EPHA3: variants seen among roughly 807,000 people sequenced by gnomAD.
EPHA3 encodes the protein ephrin type-A receptor 3.
In EPHA3, 42 loss-of-function variants were observed where a neutral mutation model predicts 107.1. The ratio of observed to expected loss-of-function variants is 0.39; its 90% CI spans 0.31 to 0.51. The LOEUF (loss-of-function observed/expected upper bound fraction) is 0.51, where lower values mean the gene tolerates loss of function less well. EPHA3 is among the 20% of genes least tolerant of loss of function. The pLI, the probability that EPHA3 is intolerant of heterozygous loss-of-function variation, is 0.78. For missense variants in EPHA3, 1,183 were observed against 1,211.2 expected (o/e 0.98, Z 0.35); for synonymous variants, 461 against 424.8 (o/e 1.09, Z -1.05).
chr3:89,439,274 C>T (rs959200581), intron 13 of EPHA3, among the ~76,000 whole-genome samples: 1 of 152,140 alleles, frequency 6.6e-6, no homozygotes, highest in Non-Finnish European at 1.5e-5. Context: ...AATTATTTAG[C>T]TCAGACTAAA....
chr3:89,110,335 A>T (rs1283932639), intron 1 of EPHA3, among the ~76,000 whole-genome samples: 2 of 152,008 alleles, frequency 1.3e-5, no homozygotes, highest in Non-Finnish European at 2.9e-5. Flanking sequence ...AATTGCTAGG[A>T]CATTTGCAGT....
At chr3:89,415,035 G>T (rs1709219769) in intron 10 of EPHA3, among the ~76,000 whole-genome samples, 1 of 151,472 alleles carries the variant, frequency 6.6e-6, no homozygotes, top group South Asian at 2.1e-4. Context: ...ATACCTTCAA[G>T]GTTAGTTATA....
chr3:89,442,455 C>T (rs1312535775), intron 13 of EPHA3, among the ~76,000 whole-genome samples: 1 of 152,106 alleles, frequency 6.6e-6, no homozygotes, highest in Non-Finnish European at 1.5e-5. Context: ...TGATTTTGTT[C>T]CCCAGAAGAT....
intron 3 of EPHA3, 115 bp from the exon 4 acceptor site, chr3:89,340,801 G>T (rs1707500667): frequency 8.7e-7 from 1 of 1,155,606 alleles, no homozygotes; most frequent in Admixed American, 3.0e-5. Context: ...ATTCTTGGAG[G>T]AAAAAACTTG....
At chr3:89,440,860 AT>A (rs1278105187) in intron 13 of EPHA3, among the ~76,000 whole-genome samples, 5 of 152,362 alleles carry the variant, frequency 3.3e-5, no homozygotes, top group African/African-American at 1.2e-4. Flanking sequence ...GGTGACACCC[AT>A]GTGGATATGC....
chr3:89,269,281 T>A (rs1705607981), intron 3 of EPHA3, among the ~76,000 whole-genome samples: 3 of 151,890 alleles, frequency 2.0e-5, no homozygotes, highest in Admixed American at 6.6e-5. Context: ...CAAGAAAGAG[T>A]ATAGAGCAGT....
At chr3:89,135,728 A>G (rs1704296355) in intron 2 of EPHA3, among the ~76,000 whole-genome samples, 1 of 150,342 alleles carries the variant, frequency 6.7e-6, no homozygotes, top group Non-Finnish European at 1.5e-5. Flanking sequence ...ATGTAGCTAG[A>G]AAATACAACT....
At chr3:89,324,204 G>A (rs558066266) in intron 3 of EPHA3, among the ~76,000 whole-genome samples, 147 of 121,740 alleles carry the variant, frequency 1.2e-3, no homozygotes, top group South Asian at 2.3e-3. Context: ...ATCTCACTCT[G>A]TCACCCAGGC....
intron 3 of EPHA3, among the ~76,000 whole-genome samples, chr3:89,279,415 C>T (rs1209150201): frequency 4.0e-5 from 6 of 151,874 alleles, no homozygotes; most frequent in Admixed American, 2.0e-4. Context: ...CTTATGTTTG[C>T]CATCATTAAT....
intron 2 of EPHA3, among the ~76,000 whole-genome samples, chr3:89,196,999 C>T (rs1705851140): frequency 6.6e-6 from 1 of 152,202 alleles, no homozygotes; most frequent in African/African-American, 2.4e-5. Flanking sequence ...TAGACCGTCA[C>T]TCCTTGCTGT....
At chr3:89,434,149 G>T (rs2107539961) in intron 13 of EPHA3, among the ~76,000 whole-genome samples, 1 of 152,158 alleles carries the variant, frequency 6.6e-6, no homozygotes, top group Admixed American at 6.5e-5. Context: ...AAAATTATTT[G>T]AAATGTTAAA....
chr3:89,276,712 T>C (rs1021032734), intron 3 of EPHA3, among the ~76,000 whole-genome samples: 8 of 152,082 alleles, frequency 5.3e-5, no homozygotes, highest in African/African-American at 7.2e-5. Context: ...AGGAGAAAGA[T>C]TTATTATTCT....
intron 2 of EPHA3, among the ~76,000 whole-genome samples, chr3:89,174,095 T>C (rs1418160137): frequency 6.6e-6 from 1 of 151,968 alleles, no homozygotes. Context: ...GAAAAATGAC[T>C]CATGGAGATA....
At chr3:89,370,577 C>A (rs753776973) in intron 5 of EPHA3, among the ~76,000 whole-genome samples, 1 of 151,720 alleles carries the variant, frequency 6.6e-6, no homozygotes, top group Non-Finnish European at 1.5e-5. Context: ...TTGATTGGTG[C>A]AGCACACCAG....
At chr3:89,198,900 A>G (rs186645630) in intron 2 of EPHA3, among the ~76,000 whole-genome samples, 1 of 152,320 alleles carries the variant, frequency 6.6e-6, no homozygotes, top group East Asian at 1.9e-4. Context: ...GTAAATGTCC[A>G]TCTTAGCACA....
At chr3:89,159,754 T>C (rs544838097) in intron 2 of EPHA3, among the ~76,000 whole-genome samples, 1 of 152,252 alleles carries the variant, frequency 6.6e-6, no homozygotes, top group Non-Finnish European at 1.5e-5. Context: ...ATTTTCATCA[T>C]TTTTATTATT....
Position 89,178,618 on chromosome 3 carries a change from A to T in EPHA3, c.154-31242A>T, listed in dbSNP as rs1705369129. On this transcript the variant is annotated intron_variant, in intron 2 of 16. Transcript: ENST00000336596. ...AGCAGATATTGTTTAGATGTTTTAG[A>T]TGCACTGAAAATTATATTATAAAAC... 2.6e-5 allele frequency among the ~76,000 whole-genome samples: 4 copies of T among 152,048 alleles called. No homozygotes were observed. The South Asian group carries it at 8.3e-4, about 32-fold the overall frequency.
chr3:89,174,775 A>T (rs1334873694), intron 2 of EPHA3, among the ~76,000 whole-genome samples: 2 of 151,996 alleles, frequency 1.3e-5, no homozygotes, highest in African/African-American at 4.8e-5. Context: ...ATAATACTTT[A>T]AAAAAGATGG....
Position 89,341,828 on chromosome 3 carries a change from C to A in EPHA3, c.1044C>A (p.Pro348=). 1 of 1,613,690 alleles carries A rather than the reference C, an allele frequency of 6.2e-7. No individual in the cohort carries two copies. The highest frequency in any genetic ancestry group is 8.5e-7 in the Non-Finnish European group (1 of 1,179,926). ...CAGTTATCCTGGACTGGAGTTGGCC[C>A]CTGGACACAGGAGGCCGGAAAGATG... The part of the protein sequence containing the change: ...ETSVILDWSW[P]LDTGGRKDVT... The change falls in exon 5 of 17, where the codon CCC becomes CCA. Residue 348 remains proline, a synonymous_variant. Coordinates refer to ENST00000336596, the MANE Select transcript of EPHA3 (RefSeq NM_005233.6).
Sources: allele counts gnomAD v4.1 joint callset (sites outside exome capture counted in the v4.1 genomes callset), GRCh38; gene constraint gnomAD v4.1.1; transcripts MANE v1.5; gene names NCBI Gene and HGNC (gene_info 2026-07-23, HGNC 2026-07-21).